Variants in CDIN1 observed in about 807,000 individuals in gnomAD.
CDIN1 encodes CDAN1-interacting nuclease 1.
Under a neutral mutation model 45.3 loss-of-function variants are expected in CDIN1, and 33 were observed. The ratio of observed to expected loss-of-function variants is 0.73; its 90% CI spans 0.55 to 0.97. The LOEUF is 0.97. CDIN1 is among the 50% of genes least tolerant of loss of function. The pLI, the probability that CDIN1 is intolerant of heterozygous loss-of-function variation, is 0.00. For synonymous variants in CDIN1, 118 were observed against 124.4 expected (o/e 0.95, Z 0.34); for missense variants, 303 against 339.4 (o/e 0.89, Z 0.84).
intron 3 of CDIN1, 135 bp downstream of exon 3, chr15:36,645,422 T>C (rs936583702): frequency 2.5e-6 from 2 of 809,624 alleles, no homozygotes; most frequent in African/African-American, 3.5e-5. Flanking sequence ...TCAAAACTTT[T>C]AGTATGTTTT....
chr15:36,666,100 A>G (rs1306501339), intron 5 of CDIN1, among the ~76,000 whole-genome samples: 2 of 152,108 alleles, frequency 1.3e-5, no homozygotes, highest in African/African-American at 4.8e-5. Flanking sequence ...ATTATATTGT[A>G]TCTTTGCTCT....
At chr15:36,659,906 T>A (rs2140476954) in intron 5 of CDIN1, among the ~76,000 whole-genome samples, 1 of 151,944 alleles carries the variant, frequency 6.6e-6, no homozygotes, top group Middle Eastern at 3.4e-3. Context: ...TTGCTGATGG[T>A]GCTAGGTTAT....
chr15:36,722,954 CTT>C (rs1491158332), intron 10 of CDIN1, among the ~76,000 whole-genome samples: 1 of 86,970 alleles, frequency 1.1e-5, no homozygotes, highest in Non-Finnish European at 2.4e-5. Context: ...ATTACATTCA[CTT>C]GTGTGTGTGT....
At chr15:36,781,597 T>C (rs1184447572) in intron 10 of CDIN1, among the ~76,000 whole-genome samples, 1 of 151,766 alleles carries the variant, frequency 6.6e-6, no homozygotes, top group African/African-American at 2.4e-5. Context: ...TCTTGCTCTT[T>C]TGAAAATAAA....
chr15:36,679,148 T>C (rs11856353), intron 5 of CDIN1, among the ~76,000 whole-genome samples: 12,878 of 152,104 alleles, frequency 0.085, 686 homozygotes, highest in Middle Eastern at 0.12. Context: ...GATTGTGCAC[T>C]GAGTGCCACA....
chr15:36,594,664 C>T (rs1326968661), intron 1 of CDIN1, among the ~76,000 whole-genome samples: 1 of 152,102 alleles, frequency 6.6e-6, no homozygotes, highest in Non-Finnish European at 1.5e-5. Context: ...TGAATTTTGA[C>T]CTAATACAGA....
chr15:36,625,591 C>G (rs754026549), intron 1 of CDIN1, among the ~76,000 whole-genome samples: 2 of 152,138 alleles, frequency 1.3e-5, no homozygotes, highest in Non-Finnish European at 2.9e-5. Flanking sequence ...CTTCATAAAA[C>G]CCAACATATG....
At chr15:36,662,860 T>TG (rs1420742556) in intron 5 of CDIN1, among the ~76,000 whole-genome samples, 1 of 149,932 alleles carries the variant, frequency 6.7e-6, no homozygotes, top group Non-Finnish European at 1.5e-5. Context: ...TTTAGTTTTT[T>TG]TTTTTTTTTT....
rs919704497 is a variant in CDIN1 at position 36,656,251 on chromosome 15, T to C, written c.274-1582T>C. On this transcript the variant is annotated intron_variant, in intron 4 of 10. Transcript: ENST00000566621. Reference sequence around the variant, plus strand: ...ATGGTAATACTTTATGAGCTGATATTTATTTAATCAGGGGAAACTATAAAA... The same window carrying C: ...ATGGTAATACTTTATGAGCTGATATCTATTTAATCAGGGGAAACTATAAAA... 2.0e-5 allele frequency among the ~76,000 whole-genome samples: 3 copies of C among 152,176 alleles called. No individual in the cohort carries two copies. In the East Asian group the frequency reaches 5.8e-4, roughly 29 times the overall value.
intron 5 of CDIN1, among the ~76,000 whole-genome samples, chr15:36,660,008 G>A (rs1315470877): frequency 1.4e-5 from 1 of 72,770 alleles, no homozygotes; most frequent in East Asian, 4.9e-4. Flanking sequence ...AAGTTACTGT[G>A]GCTTATATTC....
chr15:36,596,776 T>TA (rs1336945122), intron 1 of CDIN1, among the ~76,000 whole-genome samples: 3 of 150,974 alleles, frequency 2.0e-5, no homozygotes, highest in East Asian at 1.9e-4. Context: ...AACCCCTCTT[T>TA]AAAAAAAACA....
At chr15:36,747,462 A>T (rs561100427) in intron 10 of CDIN1, among the ~76,000 whole-genome samples, 1 of 152,264 alleles carries the variant, frequency 6.6e-6, no homozygotes, top group African/African-American at 2.4e-5. Flanking sequence ...TTCATTCATA[A>T]AGGTAAGTGT....
At chr15:36,752,997 G>A (rs186414876) in intron 10 of CDIN1, among the ~76,000 whole-genome samples, 2 of 152,248 alleles carry the variant, frequency 1.3e-5, no homozygotes. Flanking sequence ...TTGGAAGAGA[G>A]ACGTATGATA....
chr15:36,632,364 T>A (rs2039714408), intron 1 of CDIN1, among the ~76,000 whole-genome samples: 1 of 152,172 alleles, frequency 6.6e-6, no homozygotes. Context: ...TCAGAAAGAA[T>A]GTGATTGTCA....
intron 10 of CDIN1, among the ~76,000 whole-genome samples, chr15:36,795,443 G>A (rs967533964): frequency 3.3e-5 from 5 of 152,034 alleles, no homozygotes; most frequent in African/African-American, 1.2e-4. Flanking sequence ...TAAGTTTTTG[G>A]TCTAATAGGA....
chr15:36,692,215 G>A (rs1438079310), intron 7 of CDIN1, 40 bp downstream of exon 7: 4 of 1,581,444 alleles, frequency 2.5e-6, no homozygotes, highest in East Asian at 2.2e-5. Flanking sequence ...CAATTGACGA[G>A]CTTAGACTCA....
chr15:36,778,015 C>T (rs7177383), intron 10 of CDIN1, among the ~76,000 whole-genome samples: 1 of 152,172 alleles, frequency 6.6e-6, no homozygotes, highest in South Asian at 2.1e-4. Flanking sequence ...TGGGTCTTCA[C>T]TTGCTTGATT....
chr15:36,601,617 C>A (rs142030771), intron 1 of CDIN1, among the ~76,000 whole-genome samples: 132 of 152,298 alleles, frequency 8.7e-4, no homozygotes, highest in African/African-American at 3.1e-3. Flanking sequence ...TCTCAGTCTG[C>A]CATGAGGTCA....
chr15:36,761,571 T>C (rs2053765194), intron 10 of CDIN1, among the ~76,000 whole-genome samples: 1 of 152,126 alleles, frequency 6.6e-6, no homozygotes, highest in South Asian at 2.1e-4. Context: ...GGCGCTGTCA[T>C]GGAGTCAGGG....
Sources: allele counts gnomAD v4.1 joint callset (sites outside exome capture counted in the v4.1 genomes callset), GRCh38; gene constraint gnomAD v4.1.1; transcripts MANE v1.5; gene names NCBI Gene and HGNC (gene_info 2026-07-23, HGNC 2026-07-21).